Variants in ATP8B4 observed in about 807,000 individuals in gnomAD.
ATP8B4 encodes ATPase phospholipid transporting 8B4 (putative).
In ATP8B4, 133 loss-of-function variants were observed where a neutral mutation model predicts 145.6. The observed-to-expected ratio is 0.91, with a 90% CI of 0.79 to 1.05. The LOEUF is 1.05. Among genes scored for constraint, ATP8B4 ranks in the 50% least tolerant of loss-of-function variants. The pLI is 0.00. For synonymous variants in ATP8B4, 507 were observed against 492.9 expected (o/e 1.03, Z -0.38); for missense variants, 1,458 against 1,425.2 (o/e 1.02, Z -0.37).
At chr15:49,961,739 G>A (rs549822950) in intron 14 of ATP8B4, among the ~76,000 whole-genome samples, 2 of 152,178 alleles carry the variant, frequency 1.3e-5, no homozygotes, top group East Asian at 1.9e-4. Flanking sequence ...AAAAGGTGTG[G>A]AAATATAATT....
intron 13 of ATP8B4, among the ~76,000 whole-genome samples, chr15:49,966,359 A>C (rs895559324): frequency 1.3e-5 from 2 of 152,216 alleles, no homozygotes; most frequent in African/African-American, 4.8e-5. Flanking sequence ...CCAGCAAGCT[A>C]AGATCCACTG....
At position 49,958,443 on chromosome 15, in the gene ATP8B4, G is replaced by C. The variant is rs2043777228; in HGVS notation, c.1287+3534C>G. On this transcript the variant is annotated intron_variant, in intron 14 of 27. Transcript: ENST00000284509. Reference sequence around the variant, plus strand: ...AGCAGAAGTTATTGATTAAAATGCAGGAAAAAAATAAGTAAATCCAACAGC... The same window carrying C: ...AGCAGAAGTTATTGATTAAAATGCACGAAAAAAATAAGTAAATCCAACAGC... Among the ~76,000 whole-genome samples, 3 of 151,362 alleles carry C rather than the reference G, an allele frequency of 2.0e-5. No individual in the cohort carries two copies. The South Asian group carries it at 6.2e-4, about 31-fold the overall frequency.
intron 7 of ATP8B4, among the ~76,000 whole-genome samples, chr15:50,004,020 C>CG (rs1332571913): frequency 6.6e-6 from 1 of 152,146 alleles, no homozygotes; most frequent in Admixed American, 6.5e-5. Context: ...AGGACCAAGA[C>CG]GCCTACCTTC....
chr15:50,047,131 T>G (rs891036345), intron 4 of ATP8B4, among the ~76,000 whole-genome samples: 2 of 152,222 alleles, frequency 1.3e-5, no homozygotes, highest in African/African-American at 4.8e-5. Context: ...GGCTGTGTTT[T>G]AAAGTGACCT....
intron 10 of ATP8B4, chr15:49,982,589 C>G (rs1330948951): frequency 2.6e-5 from 4 of 152,062 alleles, no homozygotes; most frequent in African/African-American, 9.7e-5. Context: ...CACATACACA[C>G]ATAAAGTTTG....
chr15:49,934,388 G>A (rs1398614218), intron 14 of ATP8B4, among the ~76,000 whole-genome samples: 1 of 152,006 alleles, frequency 6.6e-6, no homozygotes, highest in African/African-American at 2.4e-5. Flanking sequence ...CTTTCCAAAA[G>A]TATATGGGAA....
chr15:50,020,932 T>C (rs1245361683), intron 6 of ATP8B4, among the ~76,000 whole-genome samples: 1 of 152,178 alleles, frequency 6.6e-6, no homozygotes, highest in African/African-American at 2.4e-5. Flanking sequence ...GAATATGACA[T>C]ACAGGATTTG....
chr15:49,991,005 C>T (rs2047002848), intron 9 of ATP8B4, among the ~76,000 whole-genome samples: 1 of 152,078 alleles, frequency 6.6e-6, no homozygotes, highest in African/African-American at 2.4e-5. Context: ...CAAGGCTCAC[C>T]CATCCATCAT....
intron 3 of ATP8B4, among the ~76,000 whole-genome samples, chr15:50,068,636 A>G (rs938629248): frequency 5.9e-5 from 9 of 152,210 alleles, no homozygotes; most frequent in Non-Finnish European, 1.3e-4. Flanking sequence ...ATATTCAGAT[A>G]AAATTTATTA....
Position 49,868,594 on chromosome 15 carries a change from A to G in ATP8B4, c.3028-2110T>C, listed in dbSNP as rs553778241. 7.2e-5 allele frequency among the ~76,000 whole-genome samples: 11 copies of G among 152,338 alleles called. No individual in the cohort carries two copies. The South Asian group carries it at 2.3e-3, about 32-fold the overall frequency. On this transcript the variant is annotated intron_variant, in intron 25 of 27. Coordinates refer to ENST00000284509, the MANE Select transcript of ATP8B4 (RefSeq NM_024837.4). ...AATTTGGAAAAAAATGGGAATAGTC[A>G]GCAAATATGTTACAGGAGGAGCATT... is the stretch of plus-strand genomic sequence containing the variant.
intron 2 of ATP8B4, among the ~76,000 whole-genome samples, chr15:50,078,195 T>C (rs1406828729): frequency 2.0e-5 from 3 of 151,088 alleles, no homozygotes; most frequent in African/African-American, 7.3e-5. Context: ...TTTTTTGACA[T>C]TGTGCCACTG....
At chr15:50,005,082 G>A (rs2048201201) in intron 7 of ATP8B4, among the ~76,000 whole-genome samples, 1 of 152,168 alleles carries the variant, frequency 6.6e-6, no homozygotes, top group African/African-American at 2.4e-5. Context: ...CATTAATTCT[G>A]ATCAGAACCA....
intron 1 of ATP8B4, among the ~76,000 whole-genome samples, chr15:50,124,627 T>C (rs1353665157): frequency 6.6e-6 from 1 of 152,052 alleles, no homozygotes; most frequent in African/African-American, 2.4e-5. Flanking sequence ...AAAAGATACC[T>C]AAATTTATGG....
intron 6 of ATP8B4, among the ~76,000 whole-genome samples, chr15:50,023,518 C>T (rs1203353737): frequency 6.6e-6 from 1 of 152,078 alleles, no homozygotes; most frequent in Non-Finnish European, 1.5e-5. Flanking sequence ...AAAATGCTCC[C>T]TATTTAATAG....
chr15:49,956,795 C>T (rs1328990751), intron 14 of ATP8B4, among the ~76,000 whole-genome samples: 5 of 152,184 alleles, frequency 3.3e-5, no homozygotes, highest in East Asian at 1.9e-4. Context: ...AATCCTCCCA[C>T]CTCACCTCTC....
At position 49,866,384 on chromosome 15, in the gene ATP8B4, C is replaced by G; in HGVS notation, c.3128G>C (p.Gly1043Ala). ...CTGGTTTGGGAAGATGCCAAAGATG[C>G]CATTACTGTGCATTGTAAATAAAAT... Reference protein sequence around the residue: ...FSILFTMHSNGIFGIFPNQFP... With the variant: ...FSILFTMHSNAIFGIFPNQFP... The change falls in exon 26 of 28, where the codon GGC becomes GCC. Residue 1043 changes from glycine (G) to alanine (A), a missense_variant. By Grantham distance (60) the Gly-to-Ala change is moderately conservative. Transcript: ENST00000284509. 6.2e-7 allele frequency: 1 copy of G among 1,614,004 alleles called. No individual in the cohort carries two copies. The highest frequency in any genetic ancestry group is 8.5e-7 in the Non-Finnish European group (1 of 1,179,898).
chr15:49,893,064 A>T (rs1371806479), intron 23 of ATP8B4, among the ~76,000 whole-genome samples: 1 of 152,192 alleles, frequency 6.6e-6, no homozygotes, highest in Non-Finnish European at 1.5e-5. Flanking sequence ...AAGTCACACA[A>T]ATGCTCTCTG....
At chr15:50,037,347 G>GTGC (rs2050915977) in intron 6 of ATP8B4, among the ~76,000 whole-genome samples, 1 of 152,166 alleles carries the variant, frequency 6.6e-6, no homozygotes, top group Admixed American at 6.5e-5. Flanking sequence ...ATATGCAACA[G>GTGC]TGCTACCCAC....
intron 7 of ATP8B4, among the ~76,000 whole-genome samples, chr15:50,009,977 G>A (rs947595007): frequency 1.3e-5 from 2 of 152,152 alleles, no homozygotes; most frequent in African/African-American, 4.8e-5. Flanking sequence ...AGTATACACA[G>A]ATGGTGCATT....
Sources: gnomAD v4.1 joint callset for allele counts (sites outside exome capture counted in the v4.1 genomes callset) on GRCh38, gnomAD v4.1.1 for gene constraint, MANE v1.5 for transcripts, NCBI Gene and HGNC (gene_info 2026-07-23, HGNC 2026-07-21) for gene names.